Variants in CCT8L2 observed in about 807,000 individuals in gnomAD.
The protein encoded by CCT8L2 is chaperonin containing TCP1 subunit 8 like 2.
CCT8L2 carries 29 observed loss-of-function variants against 31.5 expected under a neutral mutation model. That is an observed-to-expected ratio of 0.92 (90% CI 0.68 to 1.25). CCT8L2 has a LOEUF of 1.25. Ranked by LOEUF, CCT8L2 falls within the 50% of genes most tolerant of loss-of-function variation. The pLI is 0.00. For synonymous variants in CCT8L2, 256 were observed against 290.1 expected (o/e 0.88, Z 1.19); for missense variants, 589 against 695.7 (o/e 0.85, Z 1.73).
chr22:16,590,779 A>G lies in CCT8L2; in HGVS notation c.*98T>C. On this transcript the variant is annotated 3_prime_UTR_variant, in exon 1 of 1. Transcript: ENST00000359963. ...TATGTTCCTTCATGTTTTTATTTAA[A>G]GAAAGTGAATCAAGTACCAAACACG... 1.1e-6 allele frequency: 1 copy of G among 905,836 alleles called. No individual in the cohort carries two copies. Among genetic ancestry groups the G allele is most frequent in the Non-Finnish European group, 1.7e-6 (1 of 583,846 alleles). 56.1% of individuals were successfully genotyped at this position (905,836 alleles called of 1,614,324 possible). A position where few individuals can be genotyped will look rare whatever the true frequency, so the allele number is the denominator to read the frequency against.
Position 16,591,992 on chromosome 22 carries a change from C to T in CCT8L2, c.559G>A (p.Ala187Thr). ...MDHLTKLVAH[A>T]CWAIKELDGS... Reference sequence around the variant, plus strand: ...TCTAGTTCCTTGATAGCCCAGCAGGCGTGGGCCACCAGCTTGGTCAAGTGG... The same window carrying T: ...TCTAGTTCCTTGATAGCCCAGCAGGTGTGGGCCACCAGCTTGGTCAAGTGG... The change falls in exon 1 of 1, where the codon GCC becomes ACC. Residue 187 changes from alanine (A) to threonine (T), a missense_variant. By Grantham distance (58) the Ala-to-Thr change is moderately conservative. Coordinates refer to ENST00000359963, the MANE Select transcript of CCT8L2 (RefSeq NM_014406.5). The T allele has an allele frequency of 3.1e-6, 5 of 1,614,208 alleles. No homozygotes were observed. Among genetic ancestry groups the T allele is most frequent in the African/African-American group, 1.3e-5 (1 of 75,056 alleles).
chr22:16,592,166 G>A lies in CCT8L2; in HGVS notation c.385C>T (p.Arg129Cys), dbSNP rs1263893382. ...GCGTAGGCCTCCCGGAGCTGCGGGC[G>A]AGGCAGGCCAGCCTTCAGCAGCTGC... ...AEQLLKAGLP[R>C]PQLREAYATA... Residue 129 changes from arginine (R) to cysteine (C), a missense_variant, in exon 1 of 1, where the codon CGC (arginine) becomes TGC (cysteine). Coordinates refer to ENST00000359963, the MANE Select transcript of CCT8L2 (RefSeq NM_014406.5). The A allele has an allele frequency of 6.8e-6, 11 of 1,614,040 alleles. No individual in the cohort carries two copies. The highest frequency in any genetic ancestry group is 1.7e-5 in the Admixed American group (1 of 60,000).
rs1327192843 is a variant in CCT8L2 at position 16,592,108 on chromosome 22, G to A, written c.443C>T (p.Pro148Leu). Residue 148 changes from proline to leucine, a missense_variant, in exon 1 of 1, where the codon CCC (proline) becomes CTC (leucine). By Grantham distance (98) the Pro-to-Leu change is moderately conservative. Transcript: ENST00000359963. ...CCCCAGAGATTGGATGGCCAGGGAG[G>A]GCAGTGTGGCCAGGACCTCTGCAGT... ...TATAEVLATL[P>L]SLAIQSLGPL... 6 of 1,614,104 alleles carry A rather than the reference G, an allele frequency of 3.7e-6. No individual in the cohort carries two copies. The highest frequency in any genetic ancestry group is 5.1e-6 in the Non-Finnish European group (6 of 1,180,052).
At position 16,590,899 on chromosome 22, in the gene CCT8L2, T is replaced by C. The variant is rs1225738797; in HGVS notation, c.1652A>G (p.Lys551Arg). The C allele has an allele frequency of 1.2e-6, 2 of 1,610,440 alleles. No individual in the cohort carries two copies. Among genetic ancestry groups the C allele is most frequent in the African/African-American group, 1.3e-5 (1 of 74,634 alleles). ...KKHPPPVETK[K>R]ILGLNN ...TCACTAGTTATTCAATCCAAGGATT[T>C]TTTTTGTTTCCACAGGAGGTGGGTG... The change falls in exon 1 of 1, where the codon AAA (lysine) becomes AGA (arginine). Residue 551 changes from lysine to arginine, a missense_variant. By Grantham distance (26) the Lys-to-Arg change is conservative. Coordinates refer to ENST00000359963, the MANE Select transcript of CCT8L2 (RefSeq NM_014406.5).
chr22:16,591,432 G>A lies in CCT8L2; in HGVS notation c.1119C>T (p.Leu373=), dbSNP rs1218598853. 1 of 1,613,980 alleles carries A rather than the reference G, an allele frequency of 6.2e-7. No homozygotes were observed. The highest frequency in any genetic ancestry group is 8.5e-7 in the Non-Finnish European group (1 of 1,179,940). The part of the protein sequence containing the change: ...FEWECTGTPA[L]TVVLRGATTQ... ...TGGTGGCTCCCCTGAGAACCACAGT[G>A]AGGGCAGGTGTGCCTGTACATTCCC... Residue 373 remains leucine (L), a synonymous_variant, in exon 1 of 1, where the codon CTC becomes CTT. Coordinates refer to ENST00000359963, the MANE Select transcript of CCT8L2 (RefSeq NM_014406.5).
Position 16,591,554 on chromosome 22 carries a change from G to C in CCT8L2, c.997C>G (p.Pro333Ala), listed in dbSNP as rs371551453. 2.5e-6 allele frequency: 4 copies of C among 1,614,206 alleles called. No individual in the cohort carries two copies. The highest frequency in any genetic ancestry group is 1.7e-5 in the Admixed American group (1 of 60,032). Residue 333 changes from proline (P) to alanine (A), a missense_variant, in exon 1 of 1, where the codon CCT (proline) becomes GCT (alanine). By Grantham distance (27) the Pro-to-Ala change is conservative. Transcript: ENST00000359963. ...IIYLSEVLDT[P>A]LLPRLLPPQR... is the part of the protein sequence containing the mutation. ...GGAGGGAGCAGACGAGGCAGCAGAG[G>C]TGTGTCCAACACCTCACTCAGGTAA...
In CCT8L2 at chr22:16,591,974, C is replaced by T. The variant is rs2059592382; in HGVS notation, c.577G>A (p.Glu193Lys). ...LVAHACWAIK[E>K]LDGSFKPERV... is the part of the protein sequence containing the mutation. Reference sequence around the variant, plus strand: ...TCAGGCTTGAAGCTGCCGTCTAGTTCCTTGATAGCCCAGCAGGCGTGGGCC... The same window carrying T: ...TCAGGCTTGAAGCTGCCGTCTAGTTTCTTGATAGCCCAGCAGGCGTGGGCC... The change falls in exon 1 of 1, where the codon GAA becomes AAA. Residue 193 changes from glutamate (E) to lysine (K), a missense_variant. By Grantham distance (56) the Glu-to-Lys change is moderately conservative. Coordinates refer to ENST00000359963, the MANE Select transcript of CCT8L2 (RefSeq NM_014406.5). 5 of 1,614,042 alleles carry T rather than the reference C, an allele frequency of 3.1e-6. No individual in the cohort carries two copies. In the South Asian group the frequency reaches 4.4e-5, roughly 14 times the overall value.
rs375865296 is a variant in CCT8L2 at position 16,591,611 on chromosome 22, C to T, written c.940G>A (p.Val314Met). The T allele has an allele frequency of 3.4e-5, 55 of 1,614,060 alleles. No individual in the cohort carries two copies. The highest frequency in any genetic ancestry group is 1.6e-4 in the Middle Eastern group (1 of 6,084). Residue 314 changes from valine to methionine, a missense_variant, in exon 1 of 1, where the codon GTG (valine) becomes ATG (methionine). Val to Met is a conservative substitution (Grantham distance 21). Coordinates refer to ENST00000359963, the MANE Select transcript of CCT8L2 (RefSeq NM_014406.5). Reference protein sequence around the residue: ...LTLADKYGIVVIQARSWMEII... With the variant: ...LTLADKYGIVMIQARSWMEII... ...TCCATCCAAGACCTAGCTTGAATCA[C>T]CACGATGCCATACTTGTCCGCCAGT...
chr22:16,592,025 G>A lies in CCT8L2; in HGVS notation c.526C>T (p.Pro176Ser), dbSNP rs1325337189. Residue 176 changes from proline to serine, a missense_variant, in exon 1 of 1, where the codon CCC becomes TCC. Pro to Ser is a moderately conservative substitution (Grantham distance 74). Coordinates refer to ENST00000359963, the MANE Select transcript of CCT8L2 (RefSeq NM_014406.5). Reference sequence around the variant, plus strand: ...ACCAGCTTGGTCAAGTGGTCCATGGGGGACAGGGTGTGGGTATTCATCACA... The same window carrying A: ...ACCAGCTTGGTCAAGTGGTCCATGGAGGACAGGGTGTGGGTATTCATCACA... ...HSVMNTHTLS[P>S]MDHLTKLVAH... is the part of the protein sequence containing the mutation. 1.2e-6 allele frequency: 2 copies of A among 1,614,220 alleles called. No individual in the cohort carries two copies. The highest frequency in any genetic ancestry group is 2.2e-5 in the East Asian group (1 of 44,876).
rs200108696 is a variant in CCT8L2, at chr22:16,592,295, C to T, written c.256G>A (p.Ala86Thr). Residue 86 changes from alanine (A) to threonine (T), a missense_variant, in exon 1 of 1, where the codon GCA becomes ACA. Ala to Thr is a moderately conservative substitution (Grantham distance 58). Coordinates refer to ENST00000359963, the MANE Select transcript of CCT8L2 (RefSeq NM_014406.5). The stretch of plus-strand genomic sequence containing the variant: ...CCTGCTTCCCGGAGGAGCCATGCTG[C>T]TGGGTGCTCCAGCTCCAGGGCCCTG... ...ILRALELEHP[A>T]AWLLREAGQT... 31 of 1,614,138 alleles carry T rather than the reference C, an allele frequency of 1.9e-5. No homozygotes were observed.
rs779983637 is a variant in CCT8L2, at chr22:16,590,952, C to G, written c.1599G>C (p.Trp533Cys). Residue 533 changes from tryptophan to cysteine, a missense_variant, in exon 1 of 1, where the codon TGG becomes TGC. Physicochemically the swap from Trp to Cys is radical, Grantham distance 215. Transcript: ENST00000359963. ...TCTTTGTCTTCTTAGAGTCAGGATT[C>G]CAGATCTCCTGATGTGTGGGACTTT... Reference protein sequence around the residue: ...AKKSPTHQEIWNPDSKKTKKH... With the variant: ...AKKSPTHQEICNPDSKKTKKH... The G allele has an allele frequency of 3.7e-6, 6 of 1,613,890 alleles. No homozygotes were observed. Among genetic ancestry groups the G allele is most frequent in the Non-Finnish European group, 5.1e-6 (6 of 1,179,862 alleles).
At position 16,592,112 on chromosome 22, in the gene CCT8L2, G is replaced by A. The variant is rs1205598922; in HGVS notation, c.439C>T (p.Leu147=). The A allele has an allele frequency of 2.5e-6, 4 of 1,614,220 alleles. No individual in the cohort carries two copies. Among genetic ancestry groups the A allele is most frequent in the Non-Finnish European group, 3.4e-6 (4 of 1,180,042 alleles). The part of the protein sequence containing the change: ...ATATAEVLAT[L]PSLAIQSLGP... The stretch of plus-strand genomic sequence containing the variant: ...AGAGATTGGATGGCCAGGGAGGGCA[G>A]TGTGGCCAGGACCTCTGCAGTGGCC... Residue 147 remains leucine (L), a synonymous_variant, in exon 1 of 1, where the codon CTG becomes TTG. Transcript: ENST00000359963.
rs2059592129 is a variant in CCT8L2, at chr22:16,591,937, A to T, written c.614T>A (p.Val205Glu). The T allele has an allele frequency of 1.2e-6, 2 of 1,613,876 alleles. No homozygotes were observed. The highest frequency in any genetic ancestry group is 2.7e-5 in the African/African-American group (2 of 74,894). The change falls in exon 1 of 1, where the codon GTG becomes GAG. Residue 205 changes from valine to glutamate, a missense_variant. Transcript: ENST00000359963. ...DGSFKPERVG[V>E]CALPGGTLED... is the part of the protein sequence containing the mutation. ...CAGTGTCCCCCCGGGCAGCGCGCAC[A>T]CCCCAACACGCTCAGGCTTGAAGCT...
rs1568981645 is a variant in CCT8L2, at chr22:16,591,281, A to G, written c.1270T>C (p.Ser424Pro). 1.2e-6 allele frequency: 2 copies of G among 1,614,038 alleles called. No individual in the cohort carries two copies. The highest frequency in any genetic ancestry group is 1.7e-6 in the Non-Finnish European group (2 of 1,179,882). ...CCTTCCAATCTGCTTCCTTTATCAG[A>G]AAGCATTTTTGCCAAAGCCATTTCT... ...ATEMALAKML[S>P]DKGSRLEGPS... Residue 424 changes from serine (S) to proline (P), a missense_variant, in exon 1 of 1, where the codon TCT becomes CCT. Physicochemically the swap from Ser to Pro is moderately conservative, Grantham distance 74. Transcript: ENST00000359963.
At position 16,591,339 on chromosome 22, in the gene CCT8L2, T is replaced by C; in HGVS notation, c.1212A>G (p.Gln404=). 1 of 1,614,052 alleles carries C rather than the reference T, an allele frequency of 6.2e-7. No individual in the cohort carries two copies. The highest frequency in any genetic ancestry group is 2.2e-5 in the East Asian group (1 of 44,890). ...HGIDAYFQLC[Q]DPRLIPGAGA... ...CAGCTCCTGGAATCAGTCTGGGATC[T>C]TGACATAGCTGGAAATAGGCATCAA... The change falls in exon 1 of 1, where the codon CAA becomes CAG. Residue 404 remains glutamine (Q), a synonymous_variant. Transcript: ENST00000359963.
At position 16,592,165 on chromosome 22, in the gene CCT8L2, C is replaced by A; in HGVS notation, c.386G>T (p.Arg129Leu). Residue 129 changes from arginine (R) to leucine (L), a missense_variant, in exon 1 of 1, where the codon CGC (arginine) becomes CTC (leucine). Transcript: ENST00000359963. ...AEQLLKAGLP[R>L]PQLREAYATA... ...GGCGTAGGCCTCCCGGAGCTGCGGG[C>A]GAGGCAGGCCAGCCTTCAGCAGCTG... 1.2e-6 allele frequency: 2 copies of A among 1,614,110 alleles called. No individual in the cohort carries two copies. The highest frequency in any genetic ancestry group is 1.7e-6 in the Non-Finnish European group (2 of 1,180,022).
Position 16,592,147 on chromosome 22 carries a change from G to A in CCT8L2, c.404C>T (p.Ala135Val). ...AGLPRPQLRE[A>V]YATATAEVLA... ...GACCTCTGCAGTGGCCGTGGCGTAG[G>A]CCTCCCGGAGCTGCGGGCGAGGCAG... Residue 135 changes from alanine (A) to valine (V), a missense_variant, in exon 1 of 1, where the codon GCC (alanine) becomes GTC (valine). Transcript: ENST00000359963. 1 of 1,614,156 alleles carries A rather than the reference G, an allele frequency of 6.2e-7. No individual in the cohort carries two copies. Among genetic ancestry groups the A allele is most frequent in the Non-Finnish European group, 8.5e-7 (1 of 1,180,028 alleles).
At position 16,591,932 on chromosome 22, in the gene CCT8L2, C is replaced by T. The variant is rs765930444; in HGVS notation, c.619G>A (p.Ala207Thr). The T allele has an allele frequency of 6.2e-6, 10 of 1,613,968 alleles. No homozygotes were observed. Among genetic ancestry groups the T allele is most frequent in the South Asian group, 2.2e-5 (2 of 91,080 alleles). ...TCCTCCAGTGTCCCCCCGGGCAGCG[C>T]GCACACCCCAACACGCTCAGGCTTG... ...SFKPERVGVC[A>T]LPGGTLEDSC... The change falls in exon 1 of 1, where the codon GCG (alanine) becomes ACG (threonine). Residue 207 changes from alanine to threonine, a missense_variant. Physicochemically the swap from Ala to Thr is moderately conservative, Grantham distance 58 (BLOSUM62 0). Coordinates refer to ENST00000359963, the MANE Select transcript of CCT8L2 (RefSeq NM_014406.5).
Position 16,591,940 on chromosome 22 carries a change from C to G in CCT8L2, c.611G>C (p.Gly204Ala). The change falls in exon 1 of 1, where the codon GGG becomes GCG. Residue 204 changes from glycine (G) to alanine (A), a missense_variant. Gly to Ala is a moderately conservative substitution (Grantham distance 60). Transcript: ENST00000359963. Reference protein sequence around the residue: ...LDGSFKPERVGVCALPGGTLE... With the variant: ...LDGSFKPERVAVCALPGGTLE... Reference sequence around the variant, plus strand: ...TGTCCCCCCGGGCAGCGCGCACACCCCAACACGCTCAGGCTTGAAGCTGCC... The same window carrying G: ...TGTCCCCCCGGGCAGCGCGCACACCGCAACACGCTCAGGCTTGAAGCTGCC... 1.2e-6 allele frequency: 2 copies of G among 1,614,074 alleles called. No homozygotes were observed. Among genetic ancestry groups the G allele is most frequent in the Non-Finnish European group, 1.7e-6 (2 of 1,179,982 alleles).
Sources: allele counts gnomAD v4.1 joint callset, GRCh38; gene constraint gnomAD v4.1.1; transcripts MANE v1.5; gene names NCBI Gene and HGNC (gene_info 2026-07-23, HGNC 2026-07-21).